Variants in ZNG1C observed in about 807,000 individuals in gnomAD.
ZNG1C encodes Zn regulated GTPase metalloprotein activator 1C, also known as zinc-regulated GTPase metalloprotein activator 1C.
chr9:68,281,985 A>G, the ZNG1C span, among the ~76,000 whole-genome samples: 3 of 152,028 alleles, frequency 2.0e-5, no homozygotes, highest in Non-Finnish European at 4.4e-5. Flanking sequence ...GAAAATGGAC[A>G]TGTCTCTGGG....
At chr9:68,276,946 G>A in the ZNG1C span, among the ~76,000 whole-genome samples, 6 of 91,138 alleles carry the variant, frequency 6.6e-5, no homozygotes, top group African/African-American at 2.8e-4. Context: ...AGCATGGAAT[G>A]TTCTTCCATT....
At chr9:68,275,440 GCA>G in the ZNG1C span, among the ~76,000 whole-genome samples, 1 of 148,572 alleles carries the variant, frequency 6.7e-6, no homozygotes, top group Non-Finnish European at 1.5e-5. Context: ...TCGTCATCTA[GCA>G]TTAGTTATAT....
At chr9:68,276,993 T>G in the ZNG1C span, among the ~76,000 whole-genome samples, 1 of 26,786 alleles carries the variant, frequency 3.7e-5, no homozygotes, top group East Asian at 4.6e-4. Context: ...AGCAGTGGTT[T>G]GTAGTTCTCC....
the ZNG1C span, among the ~76,000 whole-genome samples, chr9:68,284,965 G>C: frequency 6.7e-6 from 1 of 149,582 alleles, no homozygotes; most frequent in Admixed American, 6.7e-5. Flanking sequence ...ATTAAATACT[G>C]AACATATGGG....
chr9:68,294,407 G>A, the ZNG1C span, among the ~76,000 whole-genome samples: 62 of 62,344 alleles, frequency 9.9e-4, no homozygotes, highest in South Asian at 7.0e-3. Flanking sequence ...TTGATAGACC[G>A]TTAGCAAGAT....
the ZNG1C span, chr9:68,271,040 T>C: frequency 7.4e-6 from 1 of 134,622 alleles, no homozygotes; most frequent in South Asian, 2.4e-4. Flanking sequence ...TAAGCATGTG[T>C]AGAAAAAGGC....
chr9:68,267,205 C>G, the ZNG1C span, among the ~76,000 whole-genome samples: 1 of 152,276 alleles, frequency 6.6e-6, no homozygotes, highest in Non-Finnish European at 1.5e-5. Flanking sequence ...TTCAATCTGT[C>G]ATCTCAGTTC....
chr9:68,292,364 AGGTT>A, the ZNG1C span, among the ~76,000 whole-genome samples: 1 of 120,164 alleles, frequency 8.3e-6, no homozygotes, highest in Non-Finnish European at 1.7e-5. Context: ...AGAATTCACT[AGGTT>A]GGTTATTAAG....
the ZNG1C span, among the ~76,000 whole-genome samples, chr9:68,281,210 G>A: frequency 3.9e-5 from 6 of 152,356 alleles, no homozygotes; most frequent in Admixed American, 2.6e-4. Context: ...GATGGAGCAC[G>A]CACCCACTGA....
At chr9:68,281,255 G>T in the ZNG1C span, among the ~76,000 whole-genome samples, 3 of 152,282 alleles carry the variant, frequency 2.0e-5, no homozygotes, top group Non-Finnish European at 4.4e-5. Context: ...CTAGTGAGAT[G>T]AACCCGGTAC....
chr9:68,244,697 CTT>C, the ZNG1C span, among the ~76,000 whole-genome samples: 4 of 94,018 alleles, frequency 4.3e-5, no homozygotes, highest in Non-Finnish European at 7.0e-5. Flanking sequence ...GTTCACAAGA[CTT>C]TTTTTTCTAC....
chr9:68,291,678 A>G, the ZNG1C span, among the ~76,000 whole-genome samples: 2 of 143,760 alleles, frequency 1.4e-5, no homozygotes, highest in Admixed American at 7.1e-5. Context: ...TTCAATTTGA[A>G]TCTTTTTTTA....
At chr9:68,250,049 TTTAA>T in the ZNG1C span, among the ~76,000 whole-genome samples, 3 of 123,352 alleles carry the variant, frequency 2.4e-5, no homozygotes, top group South Asian at 8.6e-4. Context: ...CTTTTGAGAG[TTTAA>T]TTAAACACTA....
the ZNG1C span, among the ~76,000 whole-genome samples, chr9:68,281,333 G>A: frequency 6.6e-6 from 1 of 151,944 alleles, no homozygotes; most frequent in Non-Finnish European, 1.5e-5. Flanking sequence ...GACCGGAGCT[G>A]TTCCTATTCG....
chr9:68,244,697 CT>C, the ZNG1C span, among the ~76,000 whole-genome samples: 3 of 93,982 alleles, frequency 3.2e-5, no homozygotes, highest in Admixed American at 1.1e-4. Flanking sequence ...GTTCACAAGA[CT>C]TTTTTTTCTA....
At chr9:68,265,097 G>A in the ZNG1C span, among the ~76,000 whole-genome samples, 1 of 137,036 alleles carries the variant, frequency 7.3e-6, no homozygotes, top group Admixed American at 7.5e-5. Flanking sequence ...TCACCATGTT[G>A]GCCAGGCTGG....
the ZNG1C span, among the ~76,000 whole-genome samples, chr9:68,267,102 A>G: frequency 6.6e-6 from 1 of 151,952 alleles, no homozygotes; most frequent in Non-Finnish European, 1.5e-5. Flanking sequence ...TTCGGTAGCT[A>G]TTATTATTGG....
chr9:68,246,473 T>TA, the ZNG1C span, among the ~76,000 whole-genome samples: 5 of 97,444 alleles, frequency 5.1e-5, no homozygotes, highest in African/African-American at 2.0e-4. Context: ...CATTTATTCT[T>TA]ACTATTTTCT....
At chr9:68,265,220 C>T in the ZNG1C span, among the ~76,000 whole-genome samples, 7 of 142,868 alleles carry the variant, frequency 4.9e-5, no homozygotes, top group South Asian at 2.3e-4. Flanking sequence ...TAACTTTTTT[C>T]CTTATGAAAA....
Sources: allele counts gnomAD v4.1 joint callset (sites outside exome capture counted in the v4.1 genomes callset), GRCh38; gene constraint gnomAD v4.1.1; transcripts MANE v1.5; gene names NCBI Gene and HGNC (gene_info 2026-07-23, HGNC 2026-07-21).